Variants in PDSS2 observed in about 807,000 individuals in gnomAD.
PDSS2 encodes all trans-polyprenyl-diphosphate synthase PDSS2.
In PDSS2, 31 loss-of-function variants were observed where a neutral mutation model predicts 44.5. That is an observed-to-expected ratio of 0.70 (90% CI 0.52 to 0.94). PDSS2 has a LOEUF of 0.94. Ranked by LOEUF, PDSS2 falls within the 40% of genes least tolerant of loss-of-function variation. PDSS2 has a pLI of 0.00. For synonymous variants in PDSS2, 157 were observed against 180.3 expected, an observed-to-expected ratio of 0.87 and a Z score of 1.03; for missense variants, 452 against 482.2, an observed-to-expected ratio of 0.94 and a Z score of 0.59.
intron 1 of PDSS2, among the ~76,000 whole-genome samples, chr6:107,398,775 G>A (rs996114778): frequency 1.3e-5 from 2 of 152,054 alleles, no homozygotes; most frequent in African/African-American, 4.8e-5. Context: ...CTTTTCCTGC[G>A]TGGGCTCCCC....
rs527575113 is a variant in PDSS2 at position 107,212,330 on chromosome 6, T to C, written c.703-48A>G. 2.1e-6 allele frequency: 3 copies of C among 1,423,902 alleles called. No homozygotes were observed. In the South Asian group the frequency reaches 3.7e-5, roughly 18 times the overall value. The allele number at this position is 1,423,902 out of a possible 1,614,324, so 88.2% of individuals were successfully genotyped here. A position where few individuals can be genotyped will look rare whatever the true frequency, so the allele number is the denominator to read the frequency against. On this transcript the variant is annotated intron_variant, in intron 4 of 7. Coordinates refer to ENST00000369037, the MANE Select transcript of PDSS2 (RefSeq NM_020381.4). ...GATAAAAAAGACTTTAGGAGTAATT[T>C]AATTGTTTCTGTTTTTGAAGAATAA...
chr6:107,425,240 G>T (rs1247530868), intron 1 of PDSS2, among the ~76,000 whole-genome samples: 1 of 152,216 alleles, frequency 6.6e-6, no homozygotes, highest in African/African-American at 2.4e-5. Flanking sequence ...GTAGAGTGGA[G>T]CATTGCTGAA....
intron 3 of PDSS2, among the ~76,000 whole-genome samples, chr6:107,247,974 G>A (rs931734433): frequency 4.0e-5 from 6 of 151,146 alleles, no homozygotes; most frequent in Admixed American, 1.3e-4. Context: ...AGCCAAGATC[G>A]CAGCGCCACT....
chr6:107,406,422 G>A (rs1780322198), intron 1 of PDSS2, among the ~76,000 whole-genome samples: 1 of 152,126 alleles, frequency 6.6e-6, no homozygotes, highest in South Asian at 2.1e-4. Flanking sequence ...GCTTTGTAGG[G>A]AAACCTTTTT....
rs1372599460 is a variant in PDSS2, at chr6:107,344,522, C to CCCA, written c.297-10193_297-10191dup. ...TATGGCTCGAGGGCCACACACACATCCCACCTGCATTAAATCCTCGAGGGA... is the reference window on the plus strand; with the variant it reads ...TATGGCTCGAGGGCCACACACACATCCCACCACCTGCATTAAATCCTCGAGGGA... On this transcript the variant is annotated intron_variant, in intron 1 of 7. Coordinates refer to ENST00000369037, the MANE Select transcript of PDSS2 (RefSeq NM_020381.4). 7.2e-5 allele frequency among the ~76,000 whole-genome samples: 11 copies of CCCA among 152,258 alleles called. No individual in the cohort carries two copies. The East Asian group carries it at 1.7e-3, about 24-fold the overall frequency.
intron 1 of PDSS2, among the ~76,000 whole-genome samples, chr6:107,424,029 C>A (rs1481419510): frequency 8.1e-6 from 1 of 124,186 alleles, no homozygotes; most frequent in Non-Finnish European, 1.6e-5. Flanking sequence ...TTATTTTTAT[C>A]TTGCATCTTT....
intron 1 of PDSS2, among the ~76,000 whole-genome samples, chr6:107,433,551 A>G (rs1009189856): frequency 6.6e-6 from 1 of 152,240 alleles, no homozygotes; most frequent in African/African-American, 2.4e-5. Context: ...AGTGCTGGGA[A>G]AACTGGATAT....
chr6:107,228,498 A>G (rs1773913863), intron 4 of PDSS2, among the ~76,000 whole-genome samples: 1 of 152,178 alleles, frequency 6.6e-6, no homozygotes, highest in Non-Finnish European at 1.5e-5. Flanking sequence ...GTTCGAGACC[A>G]GCCTGGCCAA....
Position 107,223,638 on chromosome 6 carries a change from C to T in PDSS2, c.703-11356G>A, listed in dbSNP as rs546529250. Among the ~76,000 whole-genome samples, 98 of 151,252 alleles carry T rather than the reference C, an allele frequency of 6.5e-4. 1 individual carries two copies. Among genetic ancestry groups the T allele is most frequent in the Non-Finnish European group, 1.4e-3 (93 of 67,958 alleles). Reference sequence around the variant, plus strand: ...CTGAGGTGGGGAGATCGCTTGAGTCCAGGAGGTCAAGGCTGCAGTGAGACA... The same window carrying T: ...CTGAGGTGGGGAGATCGCTTGAGTCTAGGAGGTCAAGGCTGCAGTGAGACA... On this transcript the variant is annotated intron_variant, in intron 4 of 7. Coordinates refer to ENST00000369037, the MANE Select transcript of PDSS2 (RefSeq NM_020381.4).
intron 7 of PDSS2, among the ~76,000 whole-genome samples, chr6:107,183,469 G>T (rs143702147): frequency 6.6e-6 from 1 of 151,938 alleles, no homozygotes; most frequent in African/African-American, 2.4e-5. Context: ...AGGTCGAAGC[G>T]GATGGATCAC....
chr6:107,274,167 C>A lies in PDSS2; in HGVS notation c.492G>T (p.Gly164=). 6.2e-7 allele frequency: 1 copy of A among 1,613,922 alleles called. No homozygotes were observed. Among genetic ancestry groups the A allele is most frequent in the Non-Finnish European group, 8.5e-7 (1 of 1,179,798 alleles). ...LIHIALLVHR[G]IVNLNELQSS... is the part of the protein sequence containing the mutation. The stretch of plus-strand genomic sequence containing the variant: ...ATTGCAACTCATTTAAATTTACTAT[C>A]CCACGATGTACAAGGAGAGCAATAT... Residue 164 remains glycine, a synonymous_variant, in exon 3 of 8, where the codon GGG becomes GGT. Coordinates refer to ENST00000369037, the MANE Select transcript of PDSS2 (RefSeq NM_020381.4).
chr6:107,432,478 T>G (rs1329307007), intron 1 of PDSS2, among the ~76,000 whole-genome samples: 1 of 152,206 alleles, frequency 6.6e-6, no homozygotes, highest in Non-Finnish European at 1.5e-5. Flanking sequence ...AAGCATTTCT[T>G]TGGGTAGTGA....
At chr6:107,358,825 C>A (rs544807439) in intron 1 of PDSS2, among the ~76,000 whole-genome samples, 1 of 151,958 alleles carries the variant, frequency 6.6e-6, no homozygotes, top group Admixed American at 6.6e-5. Flanking sequence ...CCAATAGCAC[C>A]CCCAGTTGTA....
chr6:107,450,853 C>T (rs1781842718), intron 1 of PDSS2, among the ~76,000 whole-genome samples: 2 of 152,176 alleles, frequency 1.3e-5, no homozygotes, highest in Admixed American at 1.3e-4. Context: ...TTGATTGAGA[C>T]AGGGACTGAC....
At chr6:107,325,563 A>T (rs1393915262) in intron 2 of PDSS2, among the ~76,000 whole-genome samples, 2 of 151,994 alleles carry the variant, frequency 1.3e-5, no homozygotes, top group African/African-American at 4.8e-5. Flanking sequence ...AACAAAAATA[A>T]TTTTTTTTAT....
rs896675337 is a variant in PDSS2 at position 107,274,047 on chromosome 6, A to G, written c.612T>C (p.Ala204=). ...FLLANACNGL[A]LLQNTKVVEL... Reference sequence around the variant, plus strand: ...ATTTTACCTTGGTGTTCTGTAGCAGAGCTAGTCCATTGCAGGCATTTGCTA... The same window carrying G: ...ATTTTACCTTGGTGTTCTGTAGCAGGGCTAGTCCATTGCAGGCATTTGCTA... Residue 204 remains alanine, a synonymous_variant, in exon 3 of 8, where the codon GCT becomes GCC. Transcript: ENST00000369037. 4.3e-6 allele frequency: 7 copies of G among 1,614,058 alleles called. No individual in the cohort carries two copies. The highest frequency in any genetic ancestry group is 5.1e-6 in the Non-Finnish European group (6 of 1,179,926).
intron 2 of PDSS2, among the ~76,000 whole-genome samples, chr6:107,310,309 A>AGG (rs1777002156): frequency 6.6e-6 from 1 of 150,982 alleles, no homozygotes; most frequent in Non-Finnish European, 1.5e-5. Context: ...AAAAAAAGAG[A>AGG]AAGAAATGCA....
chr6:107,447,910 G>C lies in PDSS2; in HGVS notation c.296+11080C>G, dbSNP rs1781740378. Among the ~76,000 whole-genome samples, 3 of 152,340 alleles carry C rather than the reference G, an allele frequency of 2.0e-5. No individual in the cohort carries two copies. In the South Asian group the frequency reaches 6.2e-4, roughly 32 times the overall value. On this transcript the variant is annotated intron_variant, in intron 1 of 7. Coordinates refer to ENST00000369037, the MANE Select transcript of PDSS2 (RefSeq NM_020381.4). ...ATACTTCCTCTGAAATCTAGGCAGA[G>C]ATTTCCAAACCTCAATTATTGTCTT... is the stretch of plus-strand genomic sequence containing the variant.
intron 1 of PDSS2, among the ~76,000 whole-genome samples, chr6:107,386,247 C>G (rs1368419729): frequency 6.6e-6 from 1 of 151,930 alleles, no homozygotes; most frequent in East Asian, 1.9e-4. Context: ...TTCCCATATA[C>G]AGGAATCAAA....
Sources: allele counts gnomAD v4.1 joint callset (sites outside exome capture counted in the v4.1 genomes callset), GRCh38; gene constraint gnomAD v4.1.1; transcripts MANE v1.5; gene names NCBI Gene and HGNC (gene_info 2026-07-23, HGNC 2026-07-21).